RAB38: variants seen among roughly 807,000 people sequenced by gnomAD.
RAB38 encodes the protein ras-related protein Rab-38.
In RAB38, 15 loss-of-function variants were observed where a neutral mutation model predicts 18.4. The ratio of observed to expected loss-of-function variants is 0.82; its 90% confidence interval spans 0.55 to 1.26. The LOEUF (loss-of-function observed/expected upper bound fraction) is 1.26. Ranked by LOEUF, RAB38 falls within the 50% of genes most tolerant of loss-of-function variation. RAB38 has a pLI of 0.00. For missense variants in RAB38, 294 were observed against 267.4 expected (o/e 1.10, Z -0.69); for synonymous variants, 101 against 104.4 (o/e 0.97, Z 0.20).
chr11:87,845,058 A>G, the RAB38 span, among the ~76,000 whole-genome samples: 1 of 152,230 alleles, frequency 6.6e-6, no homozygotes, highest in East Asian at 1.9e-4. Flanking sequence ...ACTGAACTGA[A>G]ATTTGAACCA....
At chr11:88,115,207 T>C (rs1386312663) in intron 2 of RAB38, among the ~76,000 whole-genome samples, 6 of 152,154 alleles carry the variant, frequency 3.9e-5, no homozygotes. Context: ...TTTGATTGTT[T>C]TTAATCACAA....
the RAB38 span, among the ~76,000 whole-genome samples, chr11:88,026,441 T>C: frequency 1.3e-5 from 2 of 151,220 alleles, no homozygotes; most frequent in African/African-American, 4.9e-5. Flanking sequence ...AGGGCACCTG[T>C]AATCCCACCT....
Position 88,114,095 on chromosome 11 carries a change from T to A in RAB38, c.529A>T (p.Ile177Leu), listed in dbSNP as rs1449236354. Residue 177 changes from isoleucine (I) to leucine (L), a missense_variant, in exon 3 of 3, where the codon ATA (isoleucine) becomes TTA (leucine). Coordinates refer to ENST00000243662, the MANE Select transcript of RAB38 (RefSeq NM_022337.3). ...ATTAGGTCACACTCATTTGCAAGTA[T>A]GTGTTTCACCAGGCATCTGGAGGCT... The part of the protein sequence containing the change: ...DEASRCLVKH[I>L]LANECDLMES... 6.2e-7 allele frequency: 1 copy of A among 1,614,106 alleles called. No homozygotes were observed. Among genetic ancestry groups the A allele is most frequent in the African/African-American group, 1.3e-5 (1 of 74,942 alleles).
chr11:87,825,516 CCTT>C, the RAB38 span, among the ~76,000 whole-genome samples: 1 of 152,206 alleles, frequency 6.6e-6, no homozygotes, highest in African/African-American at 2.4e-5. Context: ...GTGGTTATCT[CCTT>C]CTCTTGGAAG....
At chr11:88,110,359 T>C (rs7929463), downstream of RAB38, among the ~76,000 whole-genome samples, 2,544 of 151,730 alleles carry the variant, frequency 0.017, 70 homozygotes, top group African/African-American at 0.058. Context: ...ACATCACACA[T>C]TGGGGCCTGT....
the RAB38 span, among the ~76,000 whole-genome samples, chr11:88,090,305 A>G: frequency 6.6e-6 from 1 of 151,998 alleles, no homozygotes; most frequent in African/African-American, 2.4e-5. Flanking sequence ...GTGCTTCAGT[A>G]GCCTGATGGA....
chr11:87,956,774 C>G, the RAB38 span, among the ~76,000 whole-genome samples: 4 of 151,852 alleles, frequency 2.6e-5, no homozygotes, highest in African/African-American at 7.3e-5. Flanking sequence ...TCATAAGACC[C>G]GCATTCCAGA....
At chr11:88,064,349 T>C in the RAB38 span, among the ~76,000 whole-genome samples, 1 of 152,232 alleles carries the variant, frequency 6.6e-6, no homozygotes, top group African/African-American at 2.4e-5. Flanking sequence ...TGAAACCATA[T>C]TTCTGGCTTC....
the RAB38 span, among the ~76,000 whole-genome samples, chr11:88,058,810 G>C: frequency 6.6e-6 from 1 of 152,068 alleles, no homozygotes; most frequent in Non-Finnish European, 1.5e-5. Flanking sequence ...TCTCTAATGT[G>C]TCTGGTTTGC....
the RAB38 span, among the ~76,000 whole-genome samples, chr11:87,876,368 CA>C: frequency 6.6e-6 from 1 of 151,572 alleles, no homozygotes; most frequent in East Asian, 2.0e-4. Flanking sequence ...TCTCTTCTTT[CA>C]CAGATGTTGG....
chr11:88,023,945 T>C, the RAB38 span, among the ~76,000 whole-genome samples: 1 of 152,096 alleles, frequency 6.6e-6, no homozygotes, highest in African/African-American at 2.4e-5. Flanking sequence ...GAAACTTCTG[T>C]GAGAAAACAT....
At chr11:88,094,522 A>G in the RAB38 span, among the ~76,000 whole-genome samples, 1 of 151,864 alleles carries the variant, frequency 6.6e-6, no homozygotes, top group South Asian at 2.1e-4. Flanking sequence ...CCACCACTTT[A>G]CTGTCCTTCA....
chr11:88,150,071 C>T (rs937295393), intron 1 of RAB38, 116 bp from the exon 2 acceptor site: 22 of 1,106,670 alleles, frequency 2.0e-5, no homozygotes, highest in Admixed American at 4.7e-5. Context: ...TTCGTCTTTA[C>T]TGATAATCTT....
intron 1 of RAB38, 55 bp downstream of exon 1, chr11:88,175,128 C>CCGCA: frequency 6.7e-7 from 1 of 1,494,122 alleles, no homozygotes; most frequent in South Asian, 1.3e-5. Flanking sequence ...TGCCTCGAGA[C>CCGCA]TGGAAACCGG....
the RAB38 span, among the ~76,000 whole-genome samples, chr11:87,976,662 A>G: frequency 2.6e-5 from 3 of 114,608 alleles, no homozygotes; most frequent in Admixed American, 1.1e-4. Flanking sequence ...AAATATATAT[A>G]ATTTTATATG....
At chr11:88,006,618 G>T in the RAB38 span, among the ~76,000 whole-genome samples, 1 of 96,320 alleles carries the variant, frequency 1.0e-5, no homozygotes, top group Non-Finnish European at 2.2e-5. Context: ...TTATATATAT[G>T]TATATATAAT....
the RAB38 span, among the ~76,000 whole-genome samples, chr11:87,976,051 G>T: frequency 6.6e-6 from 1 of 150,644 alleles, no homozygotes; most frequent in African/African-American, 2.4e-5. Flanking sequence ...TGCTGTGAAA[G>T]AAATAGAATT....
the RAB38 span, among the ~76,000 whole-genome samples, chr11:87,866,055 T>G: frequency 1.3e-5 from 2 of 151,718 alleles, no homozygotes; most frequent in African/African-American, 4.8e-5. Flanking sequence ...AAAGTATGAA[T>G]GAACAATGGA....
the RAB38 span, among the ~76,000 whole-genome samples, chr11:87,964,351 C>T: frequency 6.6e-6 from 1 of 152,014 alleles, no homozygotes; most frequent in African/African-American, 2.4e-5. Flanking sequence ...GCAGGTTAGT[C>T]TGGACTTATT....
Sources: allele counts gnomAD v4.1 joint callset (sites outside exome capture counted in the v4.1 genomes callset), GRCh38; gene constraint gnomAD v4.1.1; transcripts MANE v1.5; gene names NCBI Gene and HGNC (gene_info 2026-07-23, HGNC 2026-07-21).